Variants in SPOCK1 observed in about 807,000 individuals in gnomAD.
SPOCK1 encodes testican-1.
SPOCK1 carries 23 observed loss-of-function variants against 55.3 expected under a neutral mutation model. The observed-to-expected ratio is 0.42, with a 90% CI of 0.30 to 0.59. The LOEUF (loss-of-function observed/expected upper bound fraction) is 0.59, where lower values mean the gene tolerates loss of function less well. Ranked by LOEUF, SPOCK1 falls within the 20% of genes least tolerant of loss-of-function variation. SPOCK1 has a pLI of 0.22. For missense variants in SPOCK1, 499 were observed against 552.5 expected, an observed-to-expected ratio of 0.90 and a Z score of 0.97; for synonymous variants, 226 against 221.0, an observed-to-expected ratio of 1.02 and a Z score of -0.20.
At chr5:137,437,537 G>A (rs550977721) in intron 2 of SPOCK1, among the ~76,000 whole-genome samples, 10 of 152,160 alleles carry the variant, frequency 6.6e-5, no homozygotes, top group African/African-American at 2.2e-4. Flanking sequence ...AAGAAATCCT[G>A]TAGTTTTTTT....
rs1167584681 is a variant in SPOCK1 at position 137,348,927 on chromosome 5, C to T, written c.187-81872G>A. On this transcript the variant is annotated intron_variant, in intron 2 of 10. Transcript: ENST00000394945. Reference sequence around the variant, plus strand: ...CAGATCAATACAGCTCTAACACTGCCCTCCTTGCCCTAAGCCGTCCAACAA... The same window carrying T: ...CAGATCAATACAGCTCTAACACTGCTCTCCTTGCCCTAAGCCGTCCAACAA... 3.3e-5 allele frequency among the ~76,000 whole-genome samples: 5 copies of T among 152,200 alleles called. No homozygotes were observed. The East Asian group carries it at 7.7e-4, about 23-fold the overall frequency.
At chr5:137,262,132 AT>A (rs1756752632) in intron 3 of SPOCK1, among the ~76,000 whole-genome samples, 1 of 152,082 alleles carries the variant, frequency 6.6e-6, no homozygotes. Context: ...CTGTATATTC[AT>A]CCCCTATTCA....
intron 3 of SPOCK1, among the ~76,000 whole-genome samples, chr5:137,163,549 G>A (rs1009237527): frequency 2.6e-5 from 4 of 152,188 alleles, no homozygotes; most frequent in African/African-American, 7.2e-5. Flanking sequence ...GGATACAAAT[G>A]TATGTGCAGG....
At chr5:137,454,143 T>C (rs536556499) in intron 2 of SPOCK1, among the ~76,000 whole-genome samples, 10 of 152,166 alleles carry the variant, frequency 6.6e-5, no homozygotes, top group African/African-American at 1.9e-4. Flanking sequence ...CAGGATAAAA[T>C]AGAATTGTTG....
chr5:137,104,781 C>T (rs1753333663), intron 5 of SPOCK1, among the ~76,000 whole-genome samples: 1 of 152,158 alleles, frequency 6.6e-6, no homozygotes, highest in African/African-American at 2.4e-5. Flanking sequence ...AAGCTCGGGG[C>T]TCCCGCTGAT....
At chr5:137,085,166 C>T (rs1451885300) in intron 5 of SPOCK1, among the ~76,000 whole-genome samples, 1 of 152,106 alleles carries the variant, frequency 6.6e-6, no homozygotes, top group Non-Finnish European at 1.5e-5. Context: ...TCGGAGGGTT[C>T]CCTAAGTGGC....
chr5:137,191,531 T>C (rs1180320135), intron 3 of SPOCK1, among the ~76,000 whole-genome samples: 1 of 152,230 alleles, frequency 6.6e-6, no homozygotes, highest in Non-Finnish European at 1.5e-5. Flanking sequence ...GTAGATTTCA[T>C]CCAGTACCTC....
intron 2 of SPOCK1, among the ~76,000 whole-genome samples, chr5:137,487,852 A>T (rs1045966800): frequency 1.3e-5 from 2 of 152,212 alleles, no homozygotes; most frequent in Non-Finnish European, 2.9e-5. Flanking sequence ...GCCTATGTTG[A>T]GTCACACATT....
At chr5:137,341,547 C>T (rs1306407864) in intron 2 of SPOCK1, among the ~76,000 whole-genome samples, 5 of 152,170 alleles carry the variant, frequency 3.3e-5, no homozygotes, top group Non-Finnish European at 5.9e-5. Flanking sequence ...CACAGAAGGA[C>T]GTGTGTGAAC....
At chr5:137,281,374 C>T (rs1271670930) in intron 2 of SPOCK1, among the ~76,000 whole-genome samples, 1 of 152,224 alleles carries the variant, frequency 6.6e-6, no homozygotes, top group African/African-American at 2.4e-5. Flanking sequence ...GCTTCTTGGG[C>T]CATGATCATG....
chr5:137,320,975 G>C (rs538407333), intron 2 of SPOCK1, among the ~76,000 whole-genome samples: 1 of 152,274 alleles, frequency 6.6e-6, no homozygotes, highest in Admixed American at 6.5e-5. Context: ...CCACCATAAA[G>C]ATGCTTAACA....
intron 2 of SPOCK1, among the ~76,000 whole-genome samples, chr5:137,275,812 G>A (rs1356236843): frequency 1.3e-5 from 2 of 152,164 alleles, no homozygotes; most frequent in Non-Finnish European, 2.9e-5. Context: ...GCCACAGGCT[G>A]GACTCCTCCC....
intron 3 of SPOCK1, among the ~76,000 whole-genome samples, chr5:137,141,753 G>A (rs1754103891): frequency 6.6e-6 from 1 of 152,220 alleles, no homozygotes; most frequent in Admixed American, 6.5e-5. Context: ...GGCACAGAGA[G>A]TGTAGGGAGG....
In SPOCK1 at chr5:137,301,631, G is replaced by A. The variant is rs531043831; in HGVS notation, c.187-34576C>T. 2.8e-3 allele frequency among the ~76,000 whole-genome samples: 254 copies of A among 90,570 alleles called. 4 individuals are homozygous for A. The highest frequency in any genetic ancestry group is 0.026 in the East Asian group (81 of 3,062). 59.4% of individuals were successfully genotyped at this position (90,570 alleles called of 152,430 possible). A position where few individuals can be genotyped will look rare whatever the true frequency, so the allele number is the denominator to read the frequency against. ...AGCAAACATACTCATTAAGCATTTC[G>A]TCTCCTTTTTTTTTTTTTTTTTTTG... is the stretch of plus-strand genomic sequence containing the variant. On this transcript the variant is annotated intron_variant, in intron 2 of 10. Coordinates refer to ENST00000394945, the MANE Select transcript of SPOCK1 (RefSeq NM_004598.4).
In SPOCK1 at chr5:137,140,638, A is replaced by G; in HGVS notation, c.289T>C (p.Cys97Arg). ...GCGGTCTGGTAGTCCTGGGTCACAC[A>G]CACTTTGTGAGGGCTGCATTTTACC... is the stretch of plus-strand genomic sequence containing the variant. ...LKVKCSPHKV[C>R]VTQDYQTALC... Residue 97 changes from cysteine to arginine, a missense_variant, in exon 4 of 11, where the codon TGT (cysteine) becomes CGT (arginine). Coordinates refer to ENST00000394945, the MANE Select transcript of SPOCK1 (RefSeq NM_004598.4). 6.2e-7 allele frequency: 1 copy of G among 1,613,134 alleles called. No individual in the cohort carries two copies. The highest frequency in any genetic ancestry group is 8.5e-7 in the Non-Finnish European group (1 of 1,179,858).
intron 2 of SPOCK1, among the ~76,000 whole-genome samples, chr5:137,373,183 T>G (rs368458196): frequency 1.3e-4 from 20 of 152,314 alleles, no homozygotes; most frequent in African/African-American, 4.6e-4. Context: ...GTCTCAAGTA[T>G]TCTGTTATAG....
rs944986893 is a variant in SPOCK1 at position 137,064,381 on chromosome 5, G to A, written c.589+3334C>T. Among the ~76,000 whole-genome samples, 19 of 152,112 alleles carry A rather than the reference G, an allele frequency of 1.2e-4. No individual in the cohort carries two copies. In the East Asian group the frequency reaches 1.5e-3, roughly 12 times the overall value. ...ACAGTTTGTGTGTGTGTATGTGTGC[G>A]TGTGTGTGCGTGTGTGTATTGCCAC... On this transcript the variant is annotated intron_variant, in intron 6 of 10. Coordinates refer to ENST00000394945, the MANE Select transcript of SPOCK1 (RefSeq NM_004598.4).
rs1179139799 is a variant in SPOCK1 at position 136,977,129 on chromosome 5, G to T, written c.*1525C>A. 2.0e-5 allele frequency: 3 copies of T among 152,178 alleles called. No individual in the cohort carries two copies. Among genetic ancestry groups the T allele is most frequent in the Non-Finnish European group, 4.4e-5 (3 of 68,052 alleles). The allele number at this position is 152,178 out of a possible 1,614,324, so 9.4% of individuals were successfully genotyped here. A position where few individuals can be genotyped will look rare whatever the true frequency, so the allele number is the denominator to read the frequency against. On this transcript the variant is annotated 3_prime_UTR_variant, in exon 11 of 11. Coordinates refer to ENST00000394945, the MANE Select transcript of SPOCK1 (RefSeq NM_004598.4). ...AATCAGTGGCGGACAGTAGCTTATA[G>T]ACTGGTACTGAAGGAAATGGGGGAA...
chr5:137,481,721 G>A (rs1028816580), intron 2 of SPOCK1, among the ~76,000 whole-genome samples: 1 of 152,152 alleles, frequency 6.6e-6, no homozygotes, highest in Non-Finnish European at 1.5e-5. Context: ...GAGTAGCAAC[G>A]TCAGCTGCAG....
Sources: gnomAD v4.1 joint callset for allele counts (sites outside exome capture counted in the v4.1 genomes callset) on GRCh38, gnomAD v4.1.1 for gene constraint, MANE v1.5 for transcripts, NCBI Gene and HGNC (gene_info 2026-07-23, HGNC 2026-07-21) for gene names.